Variants in MYO1E observed in about 807,000 individuals in gnomAD.
MYO1E encodes the protein myosin IE.
A neutral mutation model predicts 151.1 loss-of-function variants in MYO1E; 68 were observed. That is an observed-to-expected ratio of 0.45 (90% CI 0.37 to 0.55). MYO1E has a LOEUF of 0.55. Among genes scored for constraint, MYO1E ranks in the 20% least tolerant of loss-of-function variants. The pLI, the probability that MYO1E is intolerant of heterozygous loss-of-function variation, is 0.00. For synonymous variants in MYO1E, 601 were observed against 501.7 expected (o/e 1.20, Z -2.64); for missense variants, 1,363 against 1,389.3 (o/e 0.98, Z 0.30).
chr15:59,238,131 C>G (rs1451549396), intron 4 of MYO1E, among the ~76,000 whole-genome samples: 2 of 152,200 alleles, frequency 1.3e-5, no homozygotes, highest in African/African-American at 4.8e-5. Flanking sequence ...GTGTCACACT[C>G]TTCCAGAGGA....
intron 25 of MYO1E, among the ~76,000 whole-genome samples, chr15:59,155,313 G>C (rs2079503719): frequency 6.6e-6 from 1 of 152,086 alleles, no homozygotes; most frequent in South Asian, 2.1e-4. Flanking sequence ...AAGACATTTT[G>C]GCTTATATTT....
At chr15:59,371,010 C>G (rs1300771711) in intron 1 of MYO1E, among the ~76,000 whole-genome samples, 1 of 152,040 alleles carries the variant, frequency 6.6e-6, no homozygotes, top group Non-Finnish European at 1.5e-5. Context: ...CCAAAAGTAA[C>G]GTAGAGTAGA....
rs2079637502 is a variant in MYO1E at position 59,178,321 on chromosome 15, G to C, written c.2049+72C>G. 7.6e-6 allele frequency: 12 copies of C among 1,571,326 alleles called. No homozygotes were observed. In the South Asian group the frequency reaches 1.4e-4, roughly 18 times the overall value. ...AGCGAAGAATGAGAAAAAGAAGCCAGCTGAGGGGTGGAGCAGGGCTGGCGG... is the reference window on the plus strand; with the variant it reads ...AGCGAAGAATGAGAAAAAGAAGCCACCTGAGGGGTGGAGCAGGGCTGGCGG... On this transcript the variant is annotated intron_variant, in intron 19 of 27. Transcript: ENST00000288235.
At chr15:59,201,519 C>G (rs1309177986) in intron 16 of MYO1E, among the ~76,000 whole-genome samples, 4 of 151,744 alleles carry the variant, frequency 2.6e-5, no homozygotes, top group Non-Finnish European at 5.9e-5. Flanking sequence ...ATTCTCCTGC[C>G]TCAGCCTCCT....
intron 5 of MYO1E, among the ~76,000 whole-genome samples, chr15:59,234,348 G>A (rs2080049143): frequency 6.6e-6 from 1 of 152,158 alleles, no homozygotes; most frequent in African/African-American, 2.4e-5. Flanking sequence ...AAGAAGGGAA[G>A]AGATAGAGAA....
intron 4 of MYO1E, among the ~76,000 whole-genome samples, chr15:59,244,511 G>C (rs748343899): frequency 6.6e-6 from 1 of 152,186 alleles, no homozygotes; most frequent in Non-Finnish European, 1.5e-5. Context: ...GCCTTAGACA[G>C]AGAGAATAGA....
chr15:59,176,251 G>A (rs555149809), intron 19 of MYO1E, among the ~76,000 whole-genome samples: 1 of 152,178 alleles, frequency 6.6e-6, no homozygotes, highest in Admixed American at 6.5e-5. Context: ...TAGTAGAGAT[G>A]GGGTTTCGCC....
chr15:59,282,213 T>G (rs2080356882), intron 1 of MYO1E, among the ~76,000 whole-genome samples: 1 of 152,192 alleles, frequency 6.6e-6, no homozygotes, highest in Non-Finnish European at 1.5e-5. Flanking sequence ...TCCCTTTTAG[T>G]TTGCAGGCGA....
At chr15:59,164,795 G>A (rs147206683) in intron 22 of MYO1E, among the ~76,000 whole-genome samples, 19 of 152,328 alleles carry the variant, frequency 1.2e-4, no homozygotes, top group African/African-American at 3.6e-4. Flanking sequence ...CAGGGAGCTA[G>A]TGACCCAGAG....
At chr15:59,196,986 C>CTTTTTTTTTTTTTTTTTTT (rs71977305) in intron 16 of MYO1E, among the ~76,000 whole-genome samples, 1 of 71,512 alleles carries the variant, frequency 1.4e-5, no homozygotes, top group Non-Finnish European at 2.5e-5. Flanking sequence ...TTAATTACGA[C>CTTTTTTTTTTTTTTTTTTT]TTTTTTTTTT....
At chr15:59,317,613 C>T (rs977197540) in intron 1 of MYO1E, among the ~76,000 whole-genome samples, 1 of 152,032 alleles carries the variant, frequency 6.6e-6, no homozygotes, top group Non-Finnish European at 1.5e-5. Context: ...TCAGGACTGC[C>T]CCATATTAGT....
chr15:59,214,827 T>C, intron 10 of MYO1E, 107 bp from the exon 11 acceptor site: 1 of 866,724 alleles, frequency 1.2e-6, no homozygotes, highest in East Asian at 2.4e-5. Flanking sequence ...CACTACTGCT[T>C]GCAGGAAACA....
At position 59,132,853 on chromosome 15, in the gene MYO1E, A is replaced by G. The variant is rs1300235381; in HGVS notation, c.*4527T>C. ...CATAGCTGTTAATTATTTTAAAGAG[A>G]AGGTTAATGGTCTTGGAAAGAGATG... is the stretch of plus-strand genomic sequence containing the variant. On this transcript the variant is annotated 3_prime_UTR_variant, in exon 28 of 28. Coordinates refer to ENST00000288235, the MANE Select transcript of MYO1E (RefSeq NM_004998.4). The G allele has an allele frequency of 6.6e-6, 1 of 152,176 alleles. No homozygotes were observed. The highest frequency in any genetic ancestry group is 2.4e-5 in the African/African-American group (1 of 41,436). The allele number at this position is 152,176 out of a possible 1,614,324, so 9.4% of individuals were successfully genotyped here. A position where few individuals can be genotyped will look rare whatever the true frequency, so the allele number is the denominator to read the frequency against.
chr15:59,312,323 G>A (rs2140411341), intron 1 of MYO1E, among the ~76,000 whole-genome samples: 1 of 152,322 alleles, frequency 6.6e-6, no homozygotes, highest in East Asian at 1.9e-4. Flanking sequence ...GAAGAGAAAA[G>A]ATCGTGTGCA....
At chr15:59,149,052 G>GTTTTT (rs570700878) in intron 26 of MYO1E, among the ~76,000 whole-genome samples, 7 of 128,234 alleles carry the variant, frequency 5.5e-5, no homozygotes, top group African/African-American at 9.1e-5. Flanking sequence ...TTTTTTTTTT[G>GTTTTT]TTTTTTTTTT....
intron 18 of MYO1E, among the ~76,000 whole-genome samples, chr15:59,179,483 AT>A (rs1284035887): frequency 6.6e-6 from 1 of 152,158 alleles, no homozygotes; most frequent in African/African-American, 2.4e-5. Context: ...CATAATGAAC[AT>A]TCCTGGCTAA....
rs370199714 is a variant in MYO1E, at chr15:59,195,519, A to G, written c.1747T>C (p.Tyr583His). The change falls in exon 17 of 28, where the codon TAC becomes CAC. Residue 583 changes from tyrosine to histidine, a missense_variant. Transcript: ENST00000288235. Reference protein sequence around the residue: ...VSTLMKCTPHYIRCIKPNETK... With the variant: ...VSTLMKCTPHHIRCIKPNETK... ...TCGTTTGGCTTGATGCAGCGAATGT[A>G]GTGGGGCGTACATTTCATCAGGGTG... The G allele has an allele frequency of 1.9e-5, 30 of 1,613,998 alleles. No homozygotes were observed. The African/African-American group carries it at 3.9e-4, about 21-fold the overall frequency.
intron 13 of MYO1E, among the ~76,000 whole-genome samples, chr15:59,210,029 GT>G (rs1233217332): frequency 1.3e-5 from 2 of 151,274 alleles, no homozygotes; most frequent in African/African-American, 4.9e-5. Flanking sequence ...TACAATTTTT[GT>G]ATTAGCTAAA....
chr15:59,192,784 G>A (rs935680808), intron 17 of MYO1E, among the ~76,000 whole-genome samples: 5 of 152,168 alleles, frequency 3.3e-5, no homozygotes, highest in Admixed American at 2.6e-4. Context: ...GATTTGGTTG[G>A]AGTAATCATA....
Sources: allele counts gnomAD v4.1 joint callset (sites outside exome capture counted in the v4.1 genomes callset), GRCh38; gene constraint gnomAD v4.1.1; transcripts MANE v1.5; gene names NCBI Gene and HGNC (gene_info 2026-07-23, HGNC 2026-07-21).